The following EYS variants were observed in gnomAD, a reference collection of about 807,000 sequenced individuals.
EYS encodes EGF-like photoreceptor maintenance factor, also known as protein eyes shut homolog.
Under a neutral mutation model 282.1 loss-of-function variants are expected in EYS, and 250 were observed. The observed-to-expected ratio is 0.89, with a 90% confidence interval of 0.80 to 0.98. The LOEUF (loss-of-function observed/expected upper bound fraction) is 0.98, where lower values mean the gene tolerates loss of function less well. Among genes scored for constraint, EYS ranks in the 50% least tolerant of loss-of-function variants. The pLI is 0.00. For synonymous variants in EYS, 1,355 were observed against 1,282.9 expected (o/e 1.06, Z -1.20); for missense variants, 4,016 against 3,709.0 (o/e 1.08, Z -2.15).
chr6:65,185,216 A>T (rs191426178), intron 12 of EYS, among the ~76,000 whole-genome samples: 3 of 151,950 alleles, frequency 2.0e-5, no homozygotes, highest in African/African-American at 4.8e-5. Flanking sequence ...CTTATTACAT[A>T]TCTTATGAAG....
chr6:65,689,941 G>A lies in EYS; in HGVS notation c.-448+17194C>T, dbSNP rs185992456. On this transcript the variant is annotated intron_variant, in intron 1 of 42. Transcript: ENST00000503581. ...GGGTCCAGGGGGGTCACCGCATTCT[G>A]GTCCCGCAGTACCAACAATGCACTG... Among the ~76,000 whole-genome samples the A allele has an allele frequency of 2.5e-3, 373 of 149,716 alleles. 16 individuals are homozygous for A. The highest frequency in any genetic ancestry group is 3.5e-3 in the Non-Finnish European group (235 of 67,548).
At chr6:65,623,102 A>G (rs1766579709) in intron 2 of EYS, among the ~76,000 whole-genome samples, 1 of 152,164 alleles carries the variant, frequency 6.6e-6, no homozygotes, top group South Asian at 2.1e-4. Flanking sequence ...CCAGGCAAAC[A>G]GTAGACCTTA....
At chr6:64,968,225 T>C (rs921784968) in intron 14 of EYS, among the ~76,000 whole-genome samples, 4 of 152,128 alleles carry the variant, frequency 2.6e-5, no homozygotes, top group African/African-American at 9.7e-5. Context: ...AGTAAAAAAA[T>C]GTATATAAAA....
chr6:63,939,147 A>G (rs1765159156), intron 35 of EYS, among the ~76,000 whole-genome samples: 1 of 150,774 alleles, frequency 6.6e-6, no homozygotes, highest in Non-Finnish European at 1.5e-5. Context: ...TTTTTTTTTA[A>G]CAAATATGCC....
intron 29 of EYS, among the ~76,000 whole-genome samples, chr6:64,383,566 A>C (rs762702792): frequency 2.2e-4 from 33 of 152,314 alleles, no homozygotes; most frequent in Admixed American, 5.9e-4. Flanking sequence ...ATGGGTCATA[A>C]AACATGGTAG....
chr6:63,887,495 G>A (rs1773293848), intron 35 of EYS, among the ~76,000 whole-genome samples: 1 of 152,008 alleles, frequency 6.6e-6, no homozygotes, highest in Non-Finnish European at 1.5e-5. Context: ...AATGGGTACA[G>A]CCCACAGAGG....
At chr6:64,624,822 T>A (rs919318259) in intron 23 of EYS, among the ~76,000 whole-genome samples, 2 of 152,106 alleles carry the variant, frequency 1.3e-5, no homozygotes, top group African/African-American at 4.8e-5. Context: ...AACCCTAGGG[T>A]TTCCATAGGC....
intron 26 of EYS, among the ~76,000 whole-genome samples, chr6:64,486,253 A>G (rs1471755736): frequency 1.3e-5 from 2 of 151,484 alleles, no homozygotes; most frequent in South Asian, 2.1e-4. Context: ...AAAATGACAT[A>G]TCACAATCAA....
chr6:64,633,837 A>G (rs1171674521), intron 22 of EYS, among the ~76,000 whole-genome samples: 1 of 152,120 alleles, frequency 6.6e-6, no homozygotes, highest in African/African-American at 2.4e-5. Flanking sequence ...GGGATCTTTC[A>G]ACCCCATGTG....
At position 65,589,222 on chromosome 6, in the gene EYS, G is replaced by C. The variant is rs192794635; in HGVS notation, c.-333+50556C>G. ...ATCCTAAGCAGAGCATTGTGTGTATGTTGTACTCTACTTCCAACCAACCCT... is the reference window on the plus strand; with the variant it reads ...ATCCTAAGCAGAGCATTGTGTGTATCTTGTACTCTACTTCCAACCAACCCT... On this transcript the variant is annotated intron_variant, in intron 2 of 42. Transcript: ENST00000503581. 1.1e-3 allele frequency among the ~76,000 whole-genome samples: 170 copies of C among 152,088 alleles called. 1 individual carries two copies. The highest frequency in any genetic ancestry group is 3.1e-4 in the Non-Finnish European group (21 of 67,970).
chr6:65,061,204 A>G lies in EYS; in HGVS notation c.2024-3477T>C, dbSNP rs543156786. ...TTGCCAAAATGTAGATTGAATTTAA[A>G]TGAGATTTCAATTTGATTCAGTGAG... On this transcript the variant is annotated intron_variant, in intron 12 of 42. Transcript: ENST00000503581. Among the ~76,000 whole-genome samples, 102 of 152,036 alleles carry G rather than the reference A, an allele frequency of 6.7e-4. 1 individual carries two copies. Among genetic ancestry groups the G allele is most frequent in the African/African-American group, 2.4e-3 (98 of 41,538 alleles).
intron 22 of EYS, among the ~76,000 whole-genome samples, chr6:64,651,365 T>G (rs1262159722): frequency 1.3e-5 from 2 of 152,216 alleles, no homozygotes; most frequent in African/African-American, 4.8e-5. Context: ...AAATTATGTT[T>G]GTTTTTGTTT....
chr6:64,590,129 T>C, intron 26 of EYS, 94 bp downstream of exon 26: 1 of 1,134,828 alleles, frequency 8.8e-7, no homozygotes, highest in Non-Finnish European at 1.2e-6. Context: ...AATGAGGCTG[T>C]TCAGAGCACC....
chr6:65,134,907 T>C (rs1370342483), intron 12 of EYS, among the ~76,000 whole-genome samples: 1 of 152,082 alleles, frequency 6.6e-6, no homozygotes, highest in African/African-American at 2.4e-5. Flanking sequence ...CTCTTGCAAC[T>C]GTCCAGACCT....
chr6:64,988,613 T>C (rs1770947204), intron 14 of EYS, among the ~76,000 whole-genome samples: 1 of 151,470 alleles, frequency 6.6e-6, no homozygotes, highest in Admixed American at 6.6e-5. Flanking sequence ...GTTTCAGGCA[T>C]TGTCATAACT....
At chr6:65,445,964 G>C (rs927537277) in intron 5 of EYS, among the ~76,000 whole-genome samples, 1 of 151,564 alleles carries the variant, frequency 6.6e-6, no homozygotes, top group Admixed American at 6.6e-5. Context: ...CATAATTTAG[G>C]AGAAATAAAA....
chr6:65,135,559 T>TA (rs530916305), intron 12 of EYS, among the ~76,000 whole-genome samples: 1 of 152,018 alleles, frequency 6.6e-6, no homozygotes, highest in African/African-American at 2.4e-5. Context: ...AAATATAGAT[T>TA]AAAAAATTAT....
At chr6:64,846,321 T>C (rs1249859022) in intron 19 of EYS, among the ~76,000 whole-genome samples, 1 of 152,144 alleles carries the variant, frequency 6.6e-6, no homozygotes, top group African/African-American at 2.4e-5. Context: ...CAATCATAGT[T>C]CTGGTTATTC....
intron 12 of EYS, among the ~76,000 whole-genome samples, chr6:65,175,355 C>A (rs183345607): frequency 1.3e-5 from 2 of 151,180 alleles, no homozygotes; most frequent in Admixed American, 1.3e-4. Flanking sequence ...AGATACTATA[C>A]CAGTCATAGT....
Sources: allele counts gnomAD v4.1 joint callset (sites outside exome capture counted in the v4.1 genomes callset), GRCh38; gene constraint gnomAD v4.1.1; transcripts MANE v1.5; gene names NCBI Gene and HGNC (gene_info 2026-07-23, HGNC 2026-07-21).